Variants in CLSTN2 observed in about 807,000 individuals in gnomAD.
CLSTN2 encodes calsyntenin 2.
In CLSTN2, 48 loss-of-function variants were observed where a neutral mutation model predicts 101.2. The observed-to-expected ratio is 0.47, with a 90% CI of 0.38 to 0.60. The LOEUF (loss-of-function observed/expected upper bound fraction) is 0.60, where lower values mean the gene tolerates loss of function less well. Ranked by LOEUF, CLSTN2 falls within the 20% of genes least tolerant of loss-of-function variation. The pLI, the probability that CLSTN2 is intolerant of heterozygous loss-of-function variation, is 0.00. For missense variants in CLSTN2, 1,160 were observed against 1,238.2 expected, an observed-to-expected ratio of 0.94 and a Z score of 0.95; for synonymous variants, 481 against 463.6, an observed-to-expected ratio of 1.04 and a Z score of -0.48.
intron 1 of CLSTN2, among the ~76,000 whole-genome samples, chr3:140,011,719 G>C (rs928911623): frequency 2.0e-5 from 3 of 152,054 alleles, no homozygotes; most frequent in African/African-American, 7.2e-5. Context: ...TTTGACTGCT[G>C]GGCCCTTTTT....
intron 1 of CLSTN2, among the ~76,000 whole-genome samples, chr3:140,113,207 G>T (rs747787587): frequency 2.0e-5 from 3 of 152,218 alleles, no homozygotes; most frequent in Admixed American, 6.5e-5. Context: ...TCCTGCCCTC[G>T]CAAGAGAGCC....
chr3:140,241,296 T>C (rs2086464511), intron 2 of CLSTN2, among the ~76,000 whole-genome samples: 1 of 152,168 alleles, frequency 6.6e-6, no homozygotes, highest in African/African-American at 2.4e-5. Flanking sequence ...AATGTTCTCT[T>C]GTCCAATATT....
At chr3:140,560,339 C>G (rs965747464) in intron 12 of CLSTN2, among the ~76,000 whole-genome samples, 4 of 152,156 alleles carry the variant, frequency 2.6e-5, no homozygotes, top group Non-Finnish European at 5.9e-5. Context: ...ACAGGAGATT[C>G]CCCCAACATG....
intron 8 of CLSTN2, among the ~76,000 whole-genome samples, chr3:140,471,801 C>T (rs1458340984): frequency 6.6e-6 from 1 of 152,238 alleles, no homozygotes; most frequent in African/African-American, 2.4e-5. Flanking sequence ...CCTCGTGCTG[C>T]ACTTCCAGTT....
intron 1 of CLSTN2, among the ~76,000 whole-genome samples, chr3:139,980,923 C>T (rs1290747996): frequency 1.3e-5 from 2 of 152,088 alleles, no homozygotes; most frequent in Admixed American, 6.6e-5. Context: ...CTTCCAGCAG[C>T]CATTGGGGAG....
chr3:140,398,994 A>G (rs1463141024), intron 2 of CLSTN2, among the ~76,000 whole-genome samples: 1 of 152,202 alleles, frequency 6.6e-6, no homozygotes, highest in Non-Finnish European at 1.5e-5. Context: ...TCTGGCCCTG[A>G]AGGGGGCTCT....
At chr3:140,401,894 C>T (rs1368646640) in intron 2 of CLSTN2, among the ~76,000 whole-genome samples, 1 of 152,166 alleles carries the variant, frequency 6.6e-6, no homozygotes, top group African/African-American at 2.4e-5. Context: ...TCAGAATGCA[C>T]AGTACTGAAA....
chr3:139,992,835 G>T lies in CLSTN2; in HGVS notation c.109+57352G>T, dbSNP rs553226356. Among the ~76,000 whole-genome samples, 4 of 152,262 alleles carry T rather than the reference G, an allele frequency of 2.6e-5. No individual in the cohort carries two copies. In the East Asian group the frequency reaches 7.7e-4, roughly 29 times the overall value. On this transcript the variant is annotated intron_variant, in intron 1 of 16. Coordinates refer to ENST00000458420, the MANE Select transcript of CLSTN2 (RefSeq NM_022131.3). The stretch of plus-strand genomic sequence containing the variant: ...GGGCTAGACAGTTGAAGGCTGCTTT[G>T]CTCTAAACCTCCTTATCTCCTGTTG...
chr3:140,225,904 A>C (rs1187622666), intron 2 of CLSTN2, among the ~76,000 whole-genome samples: 1 of 149,260 alleles, frequency 6.7e-6, no homozygotes, highest in Non-Finnish European at 1.5e-5. Flanking sequence ...AATCTCCATA[A>C]GTTGATTTTT....
chr3:140,312,635 T>C (rs1388025874), intron 2 of CLSTN2, among the ~76,000 whole-genome samples: 2 of 152,320 alleles, frequency 1.3e-5, no homozygotes, highest in South Asian at 2.1e-4. Flanking sequence ...TCTTCTATCA[T>C]GTTGTTAGCA....
chr3:140,370,615 G>C (rs1224424392), intron 2 of CLSTN2, among the ~76,000 whole-genome samples: 1 of 152,140 alleles, frequency 6.6e-6, no homozygotes, highest in Non-Finnish European at 1.5e-5. Flanking sequence ...CAACTCCACT[G>C]GTCTGAGAGA....
At chr3:140,251,062 T>G (rs960974059) in intron 2 of CLSTN2, among the ~76,000 whole-genome samples, 2 of 152,208 alleles carry the variant, frequency 1.3e-5, no homozygotes, top group Non-Finnish European at 2.9e-5. Context: ...GCCGCCCACA[T>G]GTGGGACATG....
At chr3:140,473,018 A>T (rs1167294899) in intron 8 of CLSTN2, among the ~76,000 whole-genome samples, 2 of 152,218 alleles carry the variant, frequency 1.3e-5, no homozygotes, top group East Asian at 3.8e-4. Context: ...AAGGGTCCTC[A>T]GACCCACATG....
chr3:139,957,419 A>G (rs553643330), intron 1 of CLSTN2, among the ~76,000 whole-genome samples: 15 of 152,172 alleles, frequency 9.9e-5, no homozygotes, highest in South Asian at 6.2e-4. Flanking sequence ...ATGAAGTTTC[A>G]TCTTTCTCCT....
chr3:140,319,141 T>C (rs2107922348), intron 2 of CLSTN2, among the ~76,000 whole-genome samples: 1 of 152,332 alleles, frequency 6.6e-6, no homozygotes, highest in Middle Eastern at 3.4e-3. Flanking sequence ...CCTAGATCGA[T>C]TAGGATTTTT....
chr3:140,145,209 G>A (rs1301834994), intron 1 of CLSTN2, among the ~76,000 whole-genome samples: 1 of 152,196 alleles, frequency 6.6e-6, no homozygotes, highest in African/African-American at 2.4e-5. Context: ...AGGAAAGATG[G>A]GTGAGTGGCT....
intron 1 of CLSTN2, among the ~76,000 whole-genome samples, chr3:140,031,634 G>A (rs565314772): frequency 3.1e-4 from 47 of 152,232 alleles, no homozygotes; most frequent in African/African-American, 1.1e-3. Flanking sequence ...GAATATGGAG[G>A]GATATTTGTA....
chr3:140,548,872 C>T lies in CLSTN2; in HGVS notation c.1674+2191C>T, dbSNP rs575135893. 4.6e-5 allele frequency among the ~76,000 whole-genome samples: 7 copies of T among 152,012 alleles called. No homozygotes were observed. The South Asian group carries it at 8.4e-4, about 18-fold the overall frequency. On this transcript the variant is annotated intron_variant, in intron 10 of 16. Transcript: ENST00000458420. ...CAGCATATGTGGGGTTTAGGATGCTCACTCTGGAGACTGGGTAGCATGGGG... is the reference window on the plus strand; with the variant it reads ...CAGCATATGTGGGGTTTAGGATGCTTACTCTGGAGACTGGGTAGCATGGGG...
chr3:140,357,539 G>T (rs2087684299), intron 2 of CLSTN2, among the ~76,000 whole-genome samples: 1 of 151,968 alleles, frequency 6.6e-6, no homozygotes, highest in Admixed American at 6.6e-5. Context: ...GGGAGAGGTT[G>T]CCATGACCTG....
Sources: allele counts gnomAD v4.1 joint callset (sites outside exome capture counted in the v4.1 genomes callset), GRCh38; gene constraint gnomAD v4.1.1; transcripts MANE v1.5; gene names NCBI Gene and HGNC (gene_info 2026-07-23, HGNC 2026-07-21).